Variants in CA5A observed in about 807,000 individuals in gnomAD.
The protein encoded by CA5A is carbonic anhydrase 5A, mitochondrial.
Under a neutral mutation model 37.1 loss-of-function variants are expected in CA5A, and 28 were observed. That is an observed-to-expected ratio of 0.75 (90% CI 0.56 to 1.03). CA5A has a LOEUF of 1.03. Among genes scored for constraint, CA5A ranks in the 50% least tolerant of loss-of-function variants. The pLI is 0.00. For synonymous variants in CA5A, 171 were observed against 158.4 expected, an observed-to-expected ratio of 1.08 and a Z score of -0.60; for missense variants, 444 against 399.9, an observed-to-expected ratio of 1.11 and a Z score of -0.94.
intron 2 of CA5A, among the ~76,000 whole-genome samples, chr16:87,920,779 C>T (rs1268166920): frequency 6.6e-6 from 1 of 151,976 alleles, no homozygotes; most frequent in African/African-American, 2.4e-5. Flanking sequence ...CCACCATGCC[C>T]AGCTAATTTT....
At chr16:87,928,481 A>G (rs2056346049) in intron 1 of CA5A, among the ~76,000 whole-genome samples, 1 of 152,174 alleles carries the variant, frequency 6.6e-6, no homozygotes, top group Admixed American at 6.5e-5. Flanking sequence ...ACACCCGGCC[A>G]GGATTTTTTA....
chr16:87,890,179 C>T (rs1402355910), intron 6 of CA5A, among the ~76,000 whole-genome samples: 1 of 152,230 alleles, frequency 6.6e-6, no homozygotes, highest in Non-Finnish European at 1.5e-5. Context: ...CTATTGGCTT[C>T]GTTTCTACTT....
At chr16:87,919,157 CT>C (rs1326457077) in intron 2 of CA5A, among the ~76,000 whole-genome samples, 4 of 152,166 alleles carry the variant, frequency 2.6e-5, no homozygotes, top group Admixed American at 6.5e-5. Context: ...AGGTCAGAGG[CT>C]GACGCTGGGA....
intron 2 of CA5A, among the ~76,000 whole-genome samples, chr16:87,920,707 C>T (rs575087653): frequency 6.6e-6 from 1 of 152,224 alleles, no homozygotes; most frequent in East Asian, 1.9e-4. Flanking sequence ...CAACTTCCGC[C>T]TCCCAGGTTC....
At chr16:87,923,693 TAACA>T (rs1297264892) in intron 2 of CA5A, 14 of 985,210 alleles carry the variant, frequency 1.4e-5, no homozygotes, top group South Asian at 4.7e-5. Flanking sequence ...TTTTGTAAAA[TAACA>T]AACAAAAGTC....
In CA5A at chr16:87,904,812, C is replaced by T. The variant is rs138476706; in HGVS notation, c.433G>A (p.Val145Met). The change falls in exon 3 of 7, where the codon GTG becomes ATG. Residue 145 changes from valine to methionine, a missense_variant. Coordinates refer to ENST00000649794, the MANE Select transcript of CA5A (RefSeq NM_001739.2). ...AVNEGGSEHT[V>M]DGHAYPAELH... ...TCTGCGGGGTACGCGTGGCCGTCCA[C>T]TGTGTGCTCTGAGCCCCCCTCGTTC... 1.9e-4 allele frequency: 304 copies of T among 1,611,426 alleles called. No homozygotes were observed. The highest frequency in any genetic ancestry group is 2.5e-4 in the Non-Finnish European group (291 of 1,177,670).
At chr16:87,913,630 C>A (rs964021558) in intron 2 of CA5A, among the ~76,000 whole-genome samples, 12 of 151,488 alleles carry the variant, frequency 7.9e-5, no homozygotes, top group Non-Finnish European at 7.4e-5. Flanking sequence ...CTTGCACCTT[C>A]CCATCTGAGT....
chr16:87,922,001 G>A (rs947076513), intron 2 of CA5A, among the ~76,000 whole-genome samples: 1 of 152,022 alleles, frequency 6.6e-6, no homozygotes, highest in African/African-American at 2.4e-5. Context: ...CCGAGTAGCT[G>A]GGACCACAGG....
chr16:87,898,882 G>A (rs141278247), intron 5 of CA5A, among the ~76,000 whole-genome samples: 1 of 151,436 alleles, frequency 6.6e-6, no homozygotes, highest in Non-Finnish European at 1.5e-5. Context: ...TTACAGGAGT[G>A]TGCCACGATA....
intron 2 of CA5A, among the ~76,000 whole-genome samples, chr16:87,919,108 T>C (rs533236457): frequency 1.3e-5 from 2 of 152,226 alleles, no homozygotes; most frequent in South Asian, 2.1e-4. Context: ...TTTAAGCAGA[T>C]GTGAAGCCGG....
At chr16:87,923,556 T>C (rs1262126372) in intron 2 of CA5A, 1 of 985,282 alleles carries the variant, frequency 1.0e-6, no homozygotes, top group African/African-American at 1.7e-5. Flanking sequence ...AGGATTCCCC[T>C]GGGGCCCCCT....
At position 87,928,352 on chromosome 16, in the gene CA5A, C is replaced by T. The variant is rs113353256; in HGVS notation, c.143-1407G>A. On this transcript the variant is annotated intron_variant, in intron 1 of 6. Transcript: ENST00000649794. ...CTAACTTTTTCATTTTTTGTAGAGA[C>T]GAGGTTTCACTATGTTGCCCAGGCT... 3.1e-3 allele frequency among the ~76,000 whole-genome samples: 473 copies of T among 152,122 alleles called. 4 individuals carry two copies. The highest frequency in any genetic ancestry group is 0.011 in the African/African-American group (444 of 41,516).
At chr16:87,918,446 C>G (rs541892611) in intron 2 of CA5A, among the ~76,000 whole-genome samples, 20 of 145,576 alleles carry the variant, frequency 1.4e-4, no homozygotes, top group Non-Finnish European at 2.2e-4. Context: ...TACACGCTCC[C>G]TGGAAAGAGC....
At chr16:87,928,608 C>T (rs1231141680) in intron 1 of CA5A, among the ~76,000 whole-genome samples, 1 of 151,972 alleles carries the variant, frequency 6.6e-6, no homozygotes, top group African/African-American at 2.4e-5. Context: ...TTAATGGTGG[C>T]ACGTTTCCAT....
intron 1 of CA5A, among the ~76,000 whole-genome samples, chr16:87,931,774 C>G (rs1300711730): frequency 1.3e-5 from 2 of 152,220 alleles, no homozygotes; most frequent in Non-Finnish European, 2.9e-5. Context: ...AAACAGTGGG[C>G]CCTGCGGCAT....
At chr16:87,882,973 C>T (rs1319295858) in intron 4 of CA5A, 1 of 152,346 alleles carries the variant, frequency 6.6e-6, no homozygotes, top group Non-Finnish European at 1.5e-5. Context: ...ACAATCTCAG[C>T]TCACTGCGAC....
chr16:87,931,721 A>C lies in CA5A; in HGVS notation c.142+4588T>G, dbSNP rs117069915. 1.7e-3 allele frequency among the ~76,000 whole-genome samples: 253 copies of C among 152,300 alleles called. 4 individuals are homozygous for C. The East Asian group carries it at 0.038, about 23-fold the overall frequency. ...AGCACAACCCTGCGGTCACACACAG[A>C]ACTCGCTAAGTGCCGGAAAGCAGTG... On this transcript the variant is annotated intron_variant, in intron 1 of 6. Coordinates refer to ENST00000649794, the MANE Select transcript of CA5A (RefSeq NM_001739.2).
Position 87,926,802 on chromosome 16 carries a change from A to G in CA5A, c.286T>C (p.Trp96Arg), listed in dbSNP as rs754000683. The G allele has an allele frequency of 1.2e-6, 2 of 1,614,216 alleles. No individual in the cohort carries two copies. The highest frequency in any genetic ancestry group is 1.7e-6 in the Non-Finnish European group (2 of 1,180,034). ...ACCTGGAAGAGGTAGCCAGTGTTCCAGATGTACAGGCAGGATGCCGCTTCA... is the reference window on the plus strand; with the variant it reads ...ACCTGGAAGAGGTAGCCAGTGTTCCGGATGTACAGGCAGGATGCCGCTTCA... ...SYEAASCLYI[W>R]NTGYLFQVEF... Residue 96 changes from tryptophan (W) to arginine (R), a missense_variant, in exon 2 of 7, where the codon TGG becomes CGG. Coordinates refer to ENST00000649794, the MANE Select transcript of CA5A (RefSeq NM_001739.2).
intron 2 of CA5A, among the ~76,000 whole-genome samples, chr16:87,914,592 C>A (rs1328116748): frequency 6.6e-6 from 1 of 152,138 alleles, no homozygotes; most frequent in African/African-American, 2.4e-5. Context: ...AGGGGAGCAA[C>A]GCAGTGGGGA....
Sources: allele counts gnomAD v4.1 joint callset (sites outside exome capture counted in the v4.1 genomes callset), GRCh38; gene constraint gnomAD v4.1.1; transcripts MANE v1.5; gene names NCBI Gene and HGNC (gene_info 2026-07-23, HGNC 2026-07-21).